Variants in RIC8B observed in about 807,000 individuals in gnomAD.
The protein encoded by RIC8B is RIC8 guanine nucleotide exchange factor B.
RIC8B carries 16 observed loss-of-function variants against 57.5 expected under a neutral mutation model. The ratio of observed to expected loss-of-function variants is 0.28; its 90% CI spans 0.19 to 0.42. RIC8B has a LOEUF of 0.42. RIC8B is among the 10% of genes least tolerant of loss of function. The pLI is 1.00. For synonymous variants in RIC8B, 216 were observed against 250.8 expected (o/e 0.86, Z 1.31); for missense variants, 481 against 677.0 (o/e 0.71, Z 3.21).
In RIC8B at chr12:106,842,574, T is replaced by C; in HGVS notation, c.837-15T>C. On this transcript the variant is annotated splice_polypyrimidine_tract_variant and intron_variant, in intron 4 of 9. Transcript: ENST00000392837. Reference sequence around the variant, plus strand: ...AATCAAGTTAAAATATTGTATTTTTTTAATTGCTTTTCAGCAATGCAGTCA... The same window carrying C: ...AATCAAGTTAAAATATTGTATTTTTCTAATTGCTTTTCAGCAATGCAGTCA... 1.3e-6 allele frequency: 2 copies of C among 1,589,784 alleles called. No individual in the cohort carries two copies. Among genetic ancestry groups the C allele is most frequent in the Non-Finnish European group, 1.7e-6 (2 of 1,160,820 alleles).
At chr12:106,811,295 G>A (rs1011297281) in intron 2 of RIC8B, among the ~76,000 whole-genome samples, 1 of 152,160 alleles carries the variant, frequency 6.6e-6, no homozygotes, top group East Asian at 1.9e-4. Flanking sequence ...CCTAACGTCC[G>A]AATTATGTCA....
intron 2 of RIC8B, among the ~76,000 whole-genome samples, chr12:106,790,906 C>T (rs1394834681): frequency 6.6e-6 from 1 of 152,190 alleles, no homozygotes; most frequent in Admixed American, 6.5e-5. Context: ...GCCCATATTT[C>T]TGTGAAGCCG....
At chr12:106,805,771 C>T (rs541296715) in intron 2 of RIC8B, among the ~76,000 whole-genome samples, 44 of 152,250 alleles carry the variant, frequency 2.9e-4, no homozygotes, top group African/African-American at 8.9e-4. Context: ...CTCATATAAA[C>T]GTGGACTAGT....
intron 2 of RIC8B, among the ~76,000 whole-genome samples, chr12:106,806,998 A>G (rs1043828958): frequency 2.0e-5 from 3 of 152,144 alleles, no homozygotes; most frequent in African/African-American, 7.2e-5. Flanking sequence ...TTCTTTCCTC[A>G]GTCATCCCCT....
intron 2 of RIC8B, among the ~76,000 whole-genome samples, chr12:106,812,075 G>T (rs562986669): frequency 2.6e-5 from 4 of 152,086 alleles, no homozygotes; most frequent in African/African-American, 9.6e-5. Context: ...TCTAAAAATT[G>T]TAATTTAAAA....
chr12:106,823,185 C>CA (rs1187239655), intron 3 of RIC8B: 3 of 243,280 alleles, frequency 1.2e-5, no homozygotes, highest in Non-Finnish European at 2.5e-5. Context: ...GTGGAGGAAA[C>CA]AAAGTGTATG....
chr12:106,781,913 A>T (rs145278496), intron 1 of RIC8B, among the ~76,000 whole-genome samples: 1 of 152,206 alleles, frequency 6.6e-6, no homozygotes, highest in African/African-American at 2.4e-5. Flanking sequence ...CTTTAACCTG[A>T]TATCTGGCAC....
chr12:106,811,415 C>G (rs531930657), intron 2 of RIC8B, among the ~76,000 whole-genome samples: 1 of 152,336 alleles, frequency 6.6e-6, no homozygotes, highest in African/African-American at 2.4e-5. Flanking sequence ...CATCCCAGAC[C>G]TACTGAGTCA....
At chr12:106,882,823 C>G (rs534623477) in intron 9 of RIC8B, among the ~76,000 whole-genome samples, 1 of 152,172 alleles carries the variant, frequency 6.6e-6, no homozygotes, top group African/African-American at 2.4e-5. Context: ...AGAGGAGCTT[C>G]CATTTTAGTG....
intron 8 of RIC8B, 131 bp from the exon 9 acceptor site, chr12:106,870,692 A>G: frequency 1.6e-6 from 1 of 623,244 alleles, no homozygotes; most frequent in Non-Finnish European, 2.5e-6. Flanking sequence ...GTTCTATACC[A>G]TAAAATTGAA....
chr12:106,836,767 C>A (rs1306808477), intron 4 of RIC8B, among the ~76,000 whole-genome samples: 2 of 152,152 alleles, frequency 1.3e-5, no homozygotes, highest in African/African-American at 4.8e-5. Context: ...TCATGCAAAA[C>A]CCTGCAATGA....
intron 3 of RIC8B, among the ~76,000 whole-genome samples, chr12:106,825,504 A>G (rs2136329736): frequency 6.6e-6 from 1 of 152,356 alleles, no homozygotes; most frequent in Admixed American, 6.5e-5. Context: ...AAGAAGGTAA[A>G]TGAGAGTGGC....
chr12:106,779,726 A>G (rs2043665192), intron 1 of RIC8B, among the ~76,000 whole-genome samples: 1 of 148,670 alleles, frequency 6.7e-6, no homozygotes, highest in African/African-American at 2.5e-5. Context: ...TTGTTGGTTG[A>G]ATCCACAGAT....
intron 4 of RIC8B, among the ~76,000 whole-genome samples, chr12:106,830,748 C>G (rs2046319350): frequency 6.6e-6 from 1 of 152,082 alleles, no homozygotes; most frequent in Non-Finnish European, 1.5e-5. Flanking sequence ...TAAATTAAGA[C>G]CCTCCCTCCC....
intron 4 of RIC8B, among the ~76,000 whole-genome samples, chr12:106,839,237 C>T (rs937408930): frequency 2.6e-5 from 4 of 152,182 alleles, no homozygotes; most frequent in African/African-American, 9.7e-5. Context: ...GTCCTTACAG[C>T]ACTGTTCACA....
At chr12:106,774,904 C>T (rs1475471741) in intron 1 of RIC8B, 75 bp downstream of exon 1, 43 of 1,099,124 alleles carry the variant, frequency 3.9e-5, no homozygotes, top group Middle Eastern at 4.0e-4. Flanking sequence ...CGCATCCTTC[C>T]CCACCCCCCT....
At chr12:106,834,766 G>A (rs565354090) in intron 4 of RIC8B, among the ~76,000 whole-genome samples, 25 of 151,964 alleles carry the variant, frequency 1.6e-4, no homozygotes, top group African/African-American at 6.0e-4. Context: ...GGCAGATCAC[G>A]AGGTCAAGAG....
chr12:106,846,567 C>G (rs1949195013), intron 6 of RIC8B, among the ~76,000 whole-genome samples: 1 of 152,046 alleles, frequency 6.6e-6, no homozygotes, highest in African/African-American at 2.4e-5. Flanking sequence ...AAGGTCATTT[C>G]CACATTTGAT....
chr12:106,858,355 A>G (rs1364597329), intron 7 of RIC8B, among the ~76,000 whole-genome samples: 1 of 152,182 alleles, frequency 6.6e-6, no homozygotes, highest in Non-Finnish European at 1.5e-5. Context: ...CAATGATAGC[A>G]TCACCTACTA....
Sources: gnomAD v4.1 joint callset for allele counts (sites outside exome capture counted in the v4.1 genomes callset) on GRCh38, gnomAD v4.1.1 for gene constraint, MANE v1.5 for transcripts, NCBI Gene and HGNC (gene_info 2026-07-23, HGNC 2026-07-21) for gene names.